NRG1: variants seen among roughly 807,000 people sequenced by gnomAD.
NRG1 encodes the protein neuregulin 1, also known as pro-neuregulin-1, membrane-bound isoform.
In NRG1, 18 loss-of-function variants were observed where a neutral mutation model predicts 63.8. The observed-to-expected ratio is 0.28, with a 90% CI of 0.19 to 0.42. The LOEUF is 0.42. Among genes scored for constraint, NRG1 ranks in the 10% least tolerant of loss-of-function variants. The pLI, the probability that NRG1 is intolerant of heterozygous loss-of-function variation, is 1.00. For missense variants in NRG1, 762 were observed against 814.7 expected (o/e 0.94, Z 0.79); for synonymous variants, 302 against 301.3 (o/e 1.00, Z -0.02).
In NRG1 at chr8:32,742,523, T is replaced by C. The variant is rs1440075538; in HGVS notation, c.633-152T>C. 5.9e-6 allele frequency: 4 copies of C among 680,110 alleles called. No individual in the cohort carries two copies. The highest frequency in any genetic ancestry group is 7.4e-6 in the Non-Finnish European group (3 of 404,332). The allele number at this position is 680,110 out of a possible 1,614,324, so 42.1% of individuals were successfully genotyped here. ...ACCATTTGGGGGAAGTGCCAGAGCCTGAAAGCCATGATCAGGGCAAAGATT... is the reference window on the plus strand; with the variant it reads ...ACCATTTGGGGGAAGTGCCAGAGCCCGAAAGCCATGATCAGGGCAAAGATT... On this transcript the variant is annotated intron_variant, in intron 6 of 11. Coordinates refer to ENST00000356819, the Ensembl canonical transcript of NRG1. The surrounding 1 kb of genome is among the most constrained non-coding windows in gnomAD (Gnocchi z 4.2).
At chr8:32,612,432 C>A (rs1846525157) in intron 3 of NRG1, among the ~76,000 whole-genome samples, 1 of 151,968 alleles carries the variant, frequency 6.6e-6, no homozygotes, top group South Asian at 2.1e-4. Context: ...GCTTGTATTT[C>A]CTCCAGGGTT....
chr8:32,603,257 T>C (rs1844675616), intron 2 of NRG1, among the ~76,000 whole-genome samples: 1 of 152,150 alleles, frequency 6.6e-6, no homozygotes, highest in Admixed American at 6.5e-5. Flanking sequence ...AAGGATTCCA[T>C]GGTCAAAGGA....
intron 5 of NRG1, among the ~76,000 whole-genome samples, chr8:32,692,154 C>G (rs554377245): frequency 5.3e-5 from 8 of 152,180 alleles, no homozygotes; most frequent in African/African-American, 1.7e-4. Flanking sequence ...TTTGTGTGTG[C>G]TAAGTGTTCT....
chr8:32,198,398 G>A (rs1843177355), intron 1 of NRG1, among the ~76,000 whole-genome samples: 2 of 151,978 alleles, frequency 1.3e-5, no homozygotes, highest in East Asian at 1.9e-4. Flanking sequence ...GGCTGGTCTC[G>A]AACTCCTGAC....
At chr8:32,503,014 A>G (rs571619602) in intron 1 of NRG1, among the ~76,000 whole-genome samples, 16 of 152,234 alleles carry the variant, frequency 1.1e-4, no homozygotes, top group African/African-American at 3.9e-4. Flanking sequence ...AGCCGGGCGC[A>G]GTGGCTCACG....
intron 1 of NRG1, among the ~76,000 whole-genome samples, chr8:32,086,152 G>T (rs1412022390): frequency 1.3e-5 from 2 of 152,110 alleles, no homozygotes; most frequent in African/African-American, 4.8e-5. Context: ...TGGACATTTT[G>T]TTCATGGATA....
At chr8:32,405,114 C>G (rs946625694) in intron 1 of NRG1, among the ~76,000 whole-genome samples, 1 of 152,180 alleles carries the variant, frequency 6.6e-6, no homozygotes, top group African/African-American at 2.4e-5. Context: ...TTTGCCATAT[C>G]CAGGCTGTCC....
intron 1 of NRG1, among the ~76,000 whole-genome samples, chr8:31,655,804 G>A (rs1164296373): frequency 6.6e-6 from 1 of 152,206 alleles, no homozygotes; most frequent in African/African-American, 2.4e-5. Flanking sequence ...GTGAAGAGAA[G>A]TGAAAGATTT....
At chr8:31,780,835 C>A (rs1453740922) in intron 1 of NRG1, among the ~76,000 whole-genome samples, 1 of 152,156 alleles carries the variant, frequency 6.6e-6, no homozygotes, top group Non-Finnish European at 1.5e-5. Flanking sequence ...TCTGCCACCA[C>A]AGAGGTATGC....
At chr8:31,849,531 C>T (rs1404904963) in intron 1 of NRG1, among the ~76,000 whole-genome samples, 1 of 152,216 alleles carries the variant, frequency 6.6e-6, no homozygotes, top group Non-Finnish European at 1.5e-5. Context: ...TGGACAAATA[C>T]TAAATAATAT....
intron 1 of NRG1, among the ~76,000 whole-genome samples, chr8:31,654,008 TA>T (rs1021049444): frequency 2.6e-5 from 4 of 152,106 alleles, no homozygotes; most frequent in African/African-American, 9.7e-5. Context: ...AAGCTGCCTG[TA>T]AAAGCAAAAT....
At position 32,205,360 on chromosome 8, in the gene NRG1, G is replaced by A. The variant is rs143668187; in HGVS notation, c.38-390468G>A. ...TTTTTTCCCCAGTGATTCTCTGAAC[G>A]TGTGTTACTACCATCCAGGAGCAGA... On this transcript the variant is annotated intron_variant, in intron 1 of 10. Coordinates refer to the NRG1 transcript ENST00000519301. Among the ~76,000 whole-genome samples the A allele has an allele frequency of 9.4e-3, 1,431 of 152,194 alleles. 18 individuals are homozygous for A. The highest frequency in any genetic ancestry group is 0.033 in the African/African-American group (1,367 of 41,524).
At position 32,069,505 on chromosome 8, in the gene NRG1, A is replaced by G. The variant is rs149695870; in HGVS notation, c.37+430074A>G. On this transcript the variant is annotated intron_variant, in intron 1 of 10. Transcript: ENST00000519301. ...TAGAACTTTCTAGCAATGGTTGATG[A>G]ACTGGGTGGGTGTCAAAAATCAAGA... Among the ~76,000 whole-genome samples the G allele has an allele frequency of 2.1e-3, 314 of 152,312 alleles. 2 individuals carry two copies. Among genetic ancestry groups the G allele is most frequent in the East Asian group, 0.013 (69 of 5,170 alleles).
At chr8:32,124,246 A>G (rs1045496975) in intron 1 of NRG1, among the ~76,000 whole-genome samples, 11 of 151,904 alleles carry the variant, frequency 7.2e-5, no homozygotes, top group African/African-American at 2.7e-4. Flanking sequence ...AGTTCGAACA[A>G]TGACGAATCA....
At chr8:32,703,921 C>G (rs1000046831) in intron 5 of NRG1, among the ~76,000 whole-genome samples, 7 of 152,212 alleles carry the variant, frequency 4.6e-5, no homozygotes, top group Non-Finnish European at 8.8e-5. Flanking sequence ...GCTGCCCTTT[C>G]TGATACCTTT....
intron 1 of NRG1, among the ~76,000 whole-genome samples, chr8:32,325,274 G>A (rs1396227229): frequency 1.3e-5 from 2 of 152,260 alleles, no homozygotes; most frequent in African/African-American, 4.8e-5. Context: ...GGTAAATAAA[G>A]TCATAATTCA....
chr8:31,944,567 A>G (rs977539158), intron 1 of NRG1, among the ~76,000 whole-genome samples: 2 of 152,170 alleles, frequency 1.3e-5, no homozygotes, highest in Non-Finnish European at 2.9e-5. Context: ...TGTTCTAACT[A>G]ATTTGTACCA....
chr8:31,759,763 A>G (rs1817339686), intron 1 of NRG1, among the ~76,000 whole-genome samples: 1 of 152,100 alleles, frequency 6.6e-6, no homozygotes. Flanking sequence ...TCAGAGTTTG[A>G]TTGGTATTGC....
intron 1 of NRG1, among the ~76,000 whole-genome samples, chr8:31,661,901 G>A (rs181281720): frequency 1.3e-4 from 20 of 152,284 alleles, no homozygotes; most frequent in Admixed American, 1.1e-3. Flanking sequence ...CAAAGACCTC[G>A]CCAATATGGT....
Sources: allele counts gnomAD v4.1 joint callset (sites outside exome capture counted in the v4.1 genomes callset), GRCh38; gene constraint gnomAD v4.1.1; non-coding constraint Gnocchi (gnomAD v3.1); transcripts MANE v1.5; gene names NCBI Gene and HGNC (gene_info 2026-07-23, HGNC 2026-07-21).